EYA1: variants seen among roughly 807,000 people sequenced by gnomAD.
EYA1 encodes the protein protein phosphatase EYA1.
In EYA1, 16 loss-of-function variants were observed where a neutral mutation model predicts 82.0. The ratio of observed to expected loss-of-function variants is 0.20; its 90% CI spans 0.13 to 0.30. The LOEUF (loss-of-function observed/expected upper bound fraction) is 0.30. Among genes scored for constraint, EYA1 ranks in the 10% least tolerant of loss-of-function variants. The pLI is 1.00. For synonymous variants in EYA1, 261 were observed against 264.4 expected (o/e 0.99, Z 0.12); for missense variants, 633 against 730.7 (o/e 0.87, Z 1.54).
chr8:71,285,517 C>T (rs554162800), intron 9 of EYA1, among the ~76,000 whole-genome samples: 6 of 152,200 alleles, frequency 3.9e-5, no homozygotes, highest in Non-Finnish European at 5.9e-5. Flanking sequence ...GCATGCTTTT[C>T]AAAAAATACA....
chr8:71,428,829 C>G (rs1397096289), intron 2 of EYA1, among the ~76,000 whole-genome samples: 2 of 152,038 alleles, frequency 1.3e-5, no homozygotes, highest in Non-Finnish European at 2.9e-5. Flanking sequence ...TTGAAAAATG[C>G]CAGGAGAAAC....
chr8:71,480,439 C>T (rs1384446601), intron 2 of EYA1, among the ~76,000 whole-genome samples: 1 of 152,176 alleles, frequency 6.6e-6, no homozygotes, highest in African/African-American at 2.4e-5. Context: ...TTTCTATCCT[C>T]ATCACTGGTT....
At chr8:71,538,800 G>A (rs542028108) in intron 1 of EYA1, among the ~76,000 whole-genome samples, 42 of 152,264 alleles carry the variant, frequency 2.8e-4, no homozygotes, top group African/African-American at 9.9e-4. Flanking sequence ...AATGACATTT[G>A]TTTGGGGAGA....
At chr8:71,394,378 C>G (rs918780926) in intron 2 of EYA1, among the ~76,000 whole-genome samples, 1 of 152,140 alleles carries the variant, frequency 6.6e-6, no homozygotes, top group African/African-American at 2.4e-5. Flanking sequence ...TGCCTATGTC[C>G]TGAATGGTAT....
intron 1 of EYA1, among the ~76,000 whole-genome samples, chr8:71,538,164 G>A (rs1761884740): frequency 2.0e-5 from 3 of 152,114 alleles, no homozygotes; most frequent in African/African-American, 7.2e-5. Flanking sequence ...TAGGAGCCTG[G>A]CTCTGGTAAA....
intron 2 of EYA1, among the ~76,000 whole-genome samples, chr8:71,479,832 C>T (rs1809992655): frequency 6.6e-6 from 1 of 152,050 alleles, no homozygotes; most frequent in Non-Finnish European, 1.5e-5. Context: ...CCTGCTCGTC[C>T]CATTAATACC....
Position 71,356,623 on chromosome 8 carries a change from A to C in EYA1, c.-54-112T>G. The C allele has an allele frequency of 3.5e-6, 5 of 1,412,522 alleles. No individual in the cohort carries two copies. In the South Asian group the frequency reaches 6.8e-5, roughly 19 times the overall value. The allele number at this position is 1,412,522 out of a possible 1,614,324, so 87.5% of individuals were successfully genotyped here. ...GACAATGCTCTCTTTTAACCAAAAG[A>C]GAAAAAGGAGGATACTGCAGCAGTG... is the stretch of plus-strand genomic sequence containing the variant. On this transcript the variant is annotated intron_variant, in intron 1 of 17. Coordinates refer to ENST00000340726, the MANE Select transcript of EYA1 (RefSeq NM_000503.6).
At chr8:71,236,767 T>C (rs1198434767) in intron 12 of EYA1, among the ~76,000 whole-genome samples, 3 of 152,254 alleles carry the variant, frequency 2.0e-5, no homozygotes, top group Non-Finnish European at 1.5e-5. Flanking sequence ...GAATAATGTA[T>C]GTAAAAGATA....
chr8:71,329,634 A>G (rs1823585623), intron 4 of EYA1, among the ~76,000 whole-genome samples: 1 of 152,178 alleles, frequency 6.6e-6, no homozygotes, highest in Non-Finnish European at 1.5e-5. Context: ...AAAAAGTAGA[A>G]GCCATCATTC....
rs1398280845 is a variant in EYA1, at chr8:71,396,148, C to A, written c.34-39637G>T. On this transcript the variant is annotated intron_variant, in intron 2 of 18. Transcript: ENST00000643681. ...GGATCGGTGGTGATATCCCCTTTCT[C>A]ATTTTTTATTGTGTCTATTTGATTC... Among the ~76,000 whole-genome samples, 3 of 152,196 alleles carry A rather than the reference C, an allele frequency of 2.0e-5. No homozygotes were observed. The South Asian group carries it at 6.3e-4, about 32-fold the overall frequency.
At chr8:71,250,301 T>G (rs928193232) in intron 11 of EYA1, among the ~76,000 whole-genome samples, 2 of 152,220 alleles carry the variant, frequency 1.3e-5, no homozygotes, top group South Asian at 4.1e-4. Context: ...AGGCCTAAAC[T>G]GGGGCAAAGA....
chr8:71,509,426 T>G (rs1812436084), intron 2 of EYA1, among the ~76,000 whole-genome samples: 1 of 152,168 alleles, frequency 6.6e-6, no homozygotes, highest in East Asian at 1.9e-4. Flanking sequence ...GAAAAGTAAG[T>G]AGACAGTTGG....
chr8:71,228,758 T>G (rs1639509285), intron 12 of EYA1, among the ~76,000 whole-genome samples: 1 of 152,096 alleles, frequency 6.6e-6, no homozygotes, highest in Non-Finnish European at 1.5e-5. Context: ...CAAAAATAAA[T>G]GAGATGCAGA....
At chr8:71,538,496 A>G (rs924461414) in intron 1 of EYA1, among the ~76,000 whole-genome samples, 1 of 152,238 alleles carries the variant, frequency 6.6e-6, no homozygotes, top group African/African-American at 2.4e-5. Flanking sequence ...AGCATCCACA[A>G]AATTTCTGGT....
intron 1 of EYA1, among the ~76,000 whole-genome samples, chr8:71,539,288 A>G (rs544420751): frequency 1.3e-5 from 2 of 152,344 alleles, no homozygotes; most frequent in African/African-American, 4.8e-5. Context: ...ATTTAATGAT[A>G]GCCTGACTCT....
intron 2 of EYA1, among the ~76,000 whole-genome samples, chr8:71,510,017 C>G (rs1459252956): frequency 1.3e-5 from 2 of 150,918 alleles, no homozygotes; most frequent in Non-Finnish European, 3.0e-5. Context: ...ATATAGTACC[C>G]TACCCTCACA....
chr8:71,202,612 G>A (rs1030312466), intron 17 of EYA1, among the ~76,000 whole-genome samples: 4 of 152,160 alleles, frequency 2.6e-5, no homozygotes, highest in Admixed American at 6.5e-5. Context: ...GTGGGGATGG[G>A]CCATTCATTT....
intron 2 of EYA1, among the ~76,000 whole-genome samples, chr8:71,385,712 C>T (rs993054328): frequency 2.0e-5 from 3 of 152,116 alleles, no homozygotes; most frequent in East Asian, 3.9e-4. Flanking sequence ...AAACTTTTAA[C>T]GCAATGTTTT....
chr8:71,396,952 C>T (rs1271056623), intron 2 of EYA1, among the ~76,000 whole-genome samples: 1 of 152,144 alleles, frequency 6.6e-6, no homozygotes, highest in Non-Finnish European at 1.5e-5. Context: ...TAAGGACTTG[C>T]TTTATGAATC....
Sources: gnomAD v4.1 joint callset for allele counts (sites outside exome capture counted in the v4.1 genomes callset) on GRCh38, gnomAD v4.1.1 for gene constraint, MANE v1.5 for transcripts, NCBI Gene and HGNC (gene_info 2026-07-23, HGNC 2026-07-21) for gene names.